Variants in TMEM170B observed in about 807,000 individuals in gnomAD.
TMEM170B encodes the protein transmembrane protein 170B.
In TMEM170B, 6 loss-of-function variants were observed where a neutral mutation model predicts 13.0. The observed-to-expected ratio is 0.46, with a 90% CI of 0.25 to 0.91. TMEM170B has a LOEUF of 0.91. Among genes scored for constraint, TMEM170B ranks in the 40% least tolerant of loss-of-function variants. The pLI is 0.17. For synonymous variants in TMEM170B, 61 were observed against 64.9 expected (o/e 0.94, Z 0.29); for missense variants, 138 against 165.2 (o/e 0.84, Z 0.90).
At chr6:11,562,577 T>C (rs1351944433) in intron 1 of TMEM170B, among the ~76,000 whole-genome samples, 1 of 152,130 alleles carries the variant, frequency 6.6e-6, no homozygotes, top group African/African-American at 2.4e-5. Context: ...CTTTCGTTTT[T>C]TAAGATTAAA....
intron 1 of TMEM170B, among the ~76,000 whole-genome samples, chr6:11,558,330 C>A (rs1759616749): frequency 6.6e-6 from 1 of 152,096 alleles, no homozygotes; most frequent in Admixed American, 6.5e-5. Flanking sequence ...CCTCATCTTA[C>A]CATATTTTTT....
rs1289291156 is a variant in TMEM170B at position 11,561,034 on chromosome 6, C to T, written c.98-4632C>T. On this transcript the variant is annotated intron_variant, in intron 1 of 2. Coordinates refer to ENST00000379426, the MANE Select transcript of TMEM170B (RefSeq NM_001100829.3). ...CATAACTCTGCTGCCTTTTACCCCA[C>T]CAAAAAGTAACACACTGCAACAATC... 2.6e-5 allele frequency among the ~76,000 whole-genome samples: 4 copies of T among 152,108 alleles called. No homozygotes were observed. In the East Asian group the frequency reaches 7.7e-4, roughly 29 times the overall value.
At chr6:11,542,954 T>G (rs1759381690) in intron 1 of TMEM170B, among the ~76,000 whole-genome samples, 1 of 152,220 alleles carries the variant, frequency 6.6e-6, no homozygotes, top group African/African-American at 2.4e-5. Context: ...GTCCCAAATC[T>G]TATAGCTAGT....
chr6:11,559,381 A>G (rs1003661182), intron 1 of TMEM170B, among the ~76,000 whole-genome samples: 4 of 151,906 alleles, frequency 2.6e-5, no homozygotes, highest in East Asian at 1.9e-4. Context: ...AATTTTTTGT[A>G]GAGACAGGGC....
intron 1 of TMEM170B, among the ~76,000 whole-genome samples, chr6:11,563,588 C>T (rs540625721): frequency 2.0e-4 from 31 of 152,282 alleles, no homozygotes; most frequent in African/African-American, 7.2e-4. Context: ...ATTGACCCCT[C>T]CTCAGGTTTC....
Position 11,579,467 on chromosome 6 carries a change from A to G in TMEM170B, c.*3906A>G, listed in dbSNP as rs1426388225. The stretch of plus-strand genomic sequence containing the variant: ...GAATTTTTTTAAATTACATTTTGCA[A>G]TTGCATTACCAATTGAATATGTTGT... On this transcript the variant is annotated 3_prime_UTR_variant, in exon 3 of 3. Transcript: ENST00000379426. 2 of 152,244 alleles carry G rather than the reference A, an allele frequency of 1.3e-5. No homozygotes were observed. Among genetic ancestry groups the G allele is most frequent in the East Asian group, 3.8e-4 (2 of 5,206 alleles). 9.4% of individuals were successfully genotyped at this position (152,244 alleles called of 1,614,324 possible). A position where few individuals can be genotyped will look rare whatever the true frequency, so the allele number is the denominator to read the frequency against.
At chr6:11,545,024 T>C (rs551581585) in intron 1 of TMEM170B, among the ~76,000 whole-genome samples, 1 of 152,210 alleles carries the variant, frequency 6.6e-6, no homozygotes, top group African/African-American at 2.4e-5. Context: ...CAAATTTGGT[T>C]GCTAAGAGTT....
At chr6:11,569,028 G>T (rs1303543517) in intron 2 of TMEM170B, among the ~76,000 whole-genome samples, 1 of 151,904 alleles carries the variant, frequency 6.6e-6, no homozygotes, top group Non-Finnish European at 1.5e-5. Context: ...TCTCATTGTT[G>T]GTTTAATTTG....
chr6:11,573,404 A>T (rs1468169464), intron 2 of TMEM170B, among the ~76,000 whole-genome samples: 1 of 152,094 alleles, frequency 6.6e-6, no homozygotes, highest in Non-Finnish European at 1.5e-5. Flanking sequence ...TACTACTATG[A>T]CGACTACTAG....
In TMEM170B at chr6:11,537,759, C is replaced by A. The variant is rs1267581111; in HGVS notation, c.-519C>A. Among the ~76,000 whole-genome samples, 1 of 151,646 alleles carries A rather than the reference C, an allele frequency of 6.6e-6. No individual in the cohort carries two copies. Reference sequence around the variant, plus strand: ...GTGGAGGGGGCGGTTCCTCGAGTGTCGGCGACCCGAGGGCGGGCAGGCGGG... The same window carrying A: ...GTGGAGGGGGCGGTTCCTCGAGTGTAGGCGACCCGAGGGCGGGCAGGCGGG... On this transcript the variant is annotated 5_prime_UTR_variant, in exon 1 of 3. Coordinates refer to ENST00000379426, the MANE Select transcript of TMEM170B (RefSeq NM_001100829.3).
chr6:11,582,109 A>C lies in TMEM170B; in HGVS notation c.*6548A>C, dbSNP rs1398086029. 6.6e-6 allele frequency: 1 copy of C among 152,210 alleles called. No homozygotes were observed. Among genetic ancestry groups the C allele is most frequent in the Non-Finnish European group, 1.5e-5 (1 of 68,008 alleles). The allele number at this position is 152,210 out of a possible 1,614,324, so 9.4% of individuals were successfully genotyped here. A position where few individuals can be genotyped will look rare whatever the true frequency, so the allele number is the denominator to read the frequency against. On this transcript the variant is annotated 3_prime_UTR_variant, in exon 3 of 3. Coordinates refer to ENST00000379426, the MANE Select transcript of TMEM170B (RefSeq NM_001100829.3). The stretch of plus-strand genomic sequence containing the variant: ...TTCATAGGATTCTACCAAAAATATT[A>C]GCCCCTGACTCTAGTTATTCTGAGA...
chr6:11,575,279 C>A lies in TMEM170B; in HGVS notation c.269-152C>A. Reference sequence around the variant, plus strand: ...ATGGTAAGTTGTAACTTTCACCAATCACAGGGAAACTTTTTCATAGAAAGT... The same window carrying A: ...ATGGTAAGTTGTAACTTTCACCAATAACAGGGAAACTTTTTCATAGAAAGT... On this transcript the variant is annotated intron_variant, in intron 2 of 2. Coordinates refer to ENST00000379426, the MANE Select transcript of TMEM170B (RefSeq NM_001100829.3). The surrounding 1 kb of genome is among the most constrained non-coding windows in gnomAD (Gnocchi z 4.1). 1.9e-6 allele frequency: 2 copies of A among 1,075,258 alleles called. No homozygotes were observed. Among genetic ancestry groups the A allele is most frequent in the Non-Finnish European group, 2.6e-6 (2 of 755,896 alleles). The allele number at this position is 1,075,258 out of a possible 1,614,324, so 66.6% of individuals were successfully genotyped here. A position where few individuals can be genotyped will look rare whatever the true frequency, so the allele number is the denominator to read the frequency against.
intron 1 of TMEM170B, among the ~76,000 whole-genome samples, chr6:11,559,358 TG>T (rs990188526): frequency 7.2e-5 from 11 of 152,024 alleles, no homozygotes; most frequent in Non-Finnish European, 1.0e-4. Flanking sequence ...CAACCATGCC[TG>T]GCTAATTTTT....
intron 1 of TMEM170B, among the ~76,000 whole-genome samples, chr6:11,550,892 A>G (rs1216767309): frequency 6.6e-6 from 1 of 152,166 alleles, no homozygotes; most frequent in Non-Finnish European, 1.5e-5. Flanking sequence ...CATAGCGACT[A>G]TTTTCAAGAA....
intron 1 of TMEM170B, among the ~76,000 whole-genome samples, chr6:11,544,469 A>G (rs953434079): frequency 1.3e-5 from 2 of 152,216 alleles, no homozygotes; most frequent in Admixed American, 6.5e-5. Context: ...GAATGGAACT[A>G]ATTTGTCCAG....
rs933153222 is a variant in TMEM170B, at chr6:11,579,192, C to T, written c.*3631C>T. 1.3e-5 allele frequency: 2 copies of T among 152,190 alleles called. No homozygotes were observed. The highest frequency in any genetic ancestry group is 4.8e-5 in the African/African-American group (2 of 41,446). The allele number at this position is 152,190 out of a possible 1,614,324, so 9.4% of individuals were successfully genotyped here. On this transcript the variant is annotated 3_prime_UTR_variant, in exon 3 of 3. Coordinates refer to ENST00000379426, the MANE Select transcript of TMEM170B (RefSeq NM_001100829.3). Reference sequence around the variant, plus strand: ...CATCCACTAAATAGAATTTCCATAACTGAGATATCATGGCTGTGACATAGT... The same window carrying T: ...CATCCACTAAATAGAATTTCCATAATTGAGATATCATGGCTGTGACATAGT...
intron 1 of TMEM170B, among the ~76,000 whole-genome samples, chr6:11,565,234 TTGAC>T (rs1325182477): frequency 6.6e-6 from 1 of 152,172 alleles, no homozygotes; most frequent in African/African-American, 2.4e-5. Context: ...GTAAAAATCA[TTGAC>T]TGATTTCTGG....
chr6:11,546,856 C>T (rs1440698085), intron 1 of TMEM170B, among the ~76,000 whole-genome samples: 3 of 152,252 alleles, frequency 2.0e-5, no homozygotes, highest in South Asian at 4.1e-4. Context: ...AATGTATCCC[C>T]GTCATTAGGC....
At position 11,546,083 on chromosome 6, in the gene TMEM170B, G is replaced by A. The variant is rs893547876; in HGVS notation, c.97+7709G>A. Among the ~76,000 whole-genome samples the A allele has an allele frequency of 1.6e-4, 24 of 147,448 alleles. No individual in the cohort carries two copies. In the South Asian group the frequency reaches 3.2e-3, roughly 20 times the overall value. ...GGCAGATCCTTCAGGAGCCATTCCA[G>A]AAGAAGACGTTGTTACCTTAGGAGA... On this transcript the variant is annotated intron_variant, in intron 1 of 2. Transcript: ENST00000379426.
Sources: allele counts gnomAD v4.1 joint callset (sites outside exome capture counted in the v4.1 genomes callset), GRCh38; gene constraint gnomAD v4.1.1; non-coding constraint Gnocchi (gnomAD v3.1); transcripts MANE v1.5; gene names NCBI Gene and HGNC (gene_info 2026-07-23, HGNC 2026-07-21).